The following ADAMTS9 variants were observed in gnomAD, a reference collection of about 807,000 sequenced individuals.
ADAMTS9 encodes the protein ADAM metallopeptidase with thrombospondin type 1 motif 9.
A neutral mutation model predicts 257.1 loss-of-function variants in ADAMTS9; 107 were observed. The observed-to-expected ratio is 0.42, with a 90% CI of 0.36 to 0.49. The LOEUF is 0.49. Ranked by LOEUF, ADAMTS9 falls within the 20% of genes least tolerant of loss-of-function variation. The pLI is 0.03. For synonymous variants in ADAMTS9, 982 were observed against 880.9 expected, an observed-to-expected ratio of 1.11 and a Z score of -2.03; for missense variants, 2,353 against 2,469.1, an observed-to-expected ratio of 0.95 and a Z score of 1.00.
chr3:64,612,422 A>T (rs2084682373), intron 22 of ADAMTS9, among the ~76,000 whole-genome samples: 1 of 152,224 alleles, frequency 6.6e-6, no homozygotes. Context: ...ATTAATTCAG[A>T]CATGATTGGC....
At chr3:64,685,021 C>G (rs551997665) in intron 2 of ADAMTS9, 1 of 152,332 alleles carries the variant, frequency 6.6e-6, no homozygotes, top group Non-Finnish European at 1.5e-5. Context: ...GATTCCAGAG[C>G]TCTTGCCCTA....
intron 22 of ADAMTS9, among the ~76,000 whole-genome samples, chr3:64,610,541 A>G (rs2084646003): frequency 6.6e-6 from 1 of 152,208 alleles, no homozygotes; most frequent in Non-Finnish European, 1.5e-5. Flanking sequence ...AGTTGAATAG[A>G]CACTTCTCCA....
At chr3:64,676,102 G>C (rs1701619107) in intron 3 of ADAMTS9, among the ~76,000 whole-genome samples, 1 of 152,168 alleles carries the variant, frequency 6.6e-6, no homozygotes, top group Non-Finnish European at 1.5e-5. Context: ...GGTTGAATGA[G>C]AGATTCAACT....
intron 20 of ADAMTS9, 24 bp downstream of exon 20, chr3:64,615,936 C>G: frequency 1.9e-6 from 3 of 1,612,066 alleles, no homozygotes; most frequent in Non-Finnish European, 2.5e-6. Context: ...TCCAAGAAGA[C>G]TCTTTGAGTG....
Position 64,687,696 on chromosome 3 carries a change from T to G in ADAMTS9, c.-39A>C. ...CCTCCCTCCGCTGCCCCCACCCCCC[T>G]CCCTCCTGCCCTCCTTGGCTGCGGC... On this transcript the variant is annotated 5_prime_UTR_variant, in exon 1 of 40. Coordinates refer to ENST00000498707, the MANE Select transcript of ADAMTS9 (RefSeq NM_182920.2). The surrounding 1 kb of genome is among the most constrained non-coding windows in gnomAD (Gnocchi z 4.4). The G allele has an allele frequency of 3.2e-6, 4 of 1,248,080 alleles. No homozygotes were observed. Among genetic ancestry groups the G allele is most frequent in the African/African-American group, 1.7e-5 (1 of 58,628 alleles). The allele number at this position is 1,248,080 out of a possible 1,614,324, so 77.3% of individuals were successfully genotyped here.
At chr3:64,549,974 AC>A in intron 31 of ADAMTS9, among the ~76,000 whole-genome samples, 1 of 147,938 alleles carries the variant, frequency 6.8e-6, no homozygotes, top group Non-Finnish European at 1.5e-5. Context: ...CTTTGAAGAG[AC>A]CCAGTGGCAG....
intron 26 of ADAMTS9, among the ~76,000 whole-genome samples, chr3:64,601,390 G>T (rs570672144): frequency 1.3e-5 from 2 of 152,118 alleles, no homozygotes; most frequent in Non-Finnish European, 2.9e-5. Context: ...TCAAACCTAC[G>T]CATCTTCCCT....
chr3:64,520,762 G>T (rs1162262932), intron 39 of ADAMTS9, among the ~76,000 whole-genome samples: 1 of 152,088 alleles, frequency 6.6e-6, no homozygotes, highest in African/African-American at 2.4e-5. Flanking sequence ...GAATGAAATT[G>T]AACTCTTACC....
rs567302523 is a variant in ADAMTS9, at chr3:64,654,512, T to G, written c.1211-54A>C. Reference sequence around the variant, plus strand: ...TTTACTCTAAAAAGCAACTGTGGCTTGAAATACAAACATGTAGTAAAACGG... The same window carrying G: ...TTTACTCTAAAAAGCAACTGTGGCTGGAAATACAAACATGTAGTAAAACGG... On this transcript the variant is annotated intron_variant, in intron 7 of 39. Coordinates refer to ENST00000498707, the MANE Select transcript of ADAMTS9 (RefSeq NM_182920.2). The G allele has an allele frequency of 3.3e-5, 52 of 1,570,946 alleles. 1 individual carries two copies. In the African/African-American group the frequency reaches 5.8e-4, roughly 17 times the overall value.
intron 31 of ADAMTS9, chr3:64,550,640 G>A (rs1050337329): frequency 1.2e-4 from 57 of 472,546 alleles, no homozygotes; most frequent in Non-Finnish European, 1.8e-4. Flanking sequence ...ATGCCAATAG[G>A]ACATCAAGGT....
intron 28 of ADAMTS9, among the ~76,000 whole-genome samples, chr3:64,580,995 T>C (rs997324493): frequency 6.6e-6 from 1 of 152,200 alleles, no homozygotes; most frequent in African/African-American, 2.4e-5. Flanking sequence ...TGTATAATTA[T>C]TGGGAACCTT....
chr3:64,622,158 A>G (rs1700123654), intron 18 of ADAMTS9, 40 bp downstream of exon 18: 1 of 1,559,188 alleles, frequency 6.4e-7, no homozygotes, highest in Non-Finnish European at 8.7e-7. Flanking sequence ...AAATAAAATA[A>G]ACTTCTCAAA....
intron 11 of ADAMTS9, among the ~76,000 whole-genome samples, chr3:64,643,353 A>C (rs1209024729): frequency 6.6e-6 from 1 of 152,104 alleles, no homozygotes; most frequent in Non-Finnish European, 1.5e-5. Flanking sequence ...ATAAAAAACT[A>C]ATAAAAAACT....
At chr3:64,541,011 C>A in intron 36 of ADAMTS9, 84 bp downstream of exon 36, 1 of 1,563,206 alleles carries the variant, frequency 6.4e-7, no homozygotes, top group South Asian at 1.2e-5. Flanking sequence ...ACGCACCTCC[C>A]TGCTAGCCAA....
At position 64,594,251 on chromosome 3, in the gene ADAMTS9, G is replaced by A. The variant is rs373641677; in HGVS notation, c.4356+7C>T. On this transcript the variant is annotated splice_region_variant and intron_variant, in intron 28 of 39. Coordinates refer to ENST00000498707, the MANE Select transcript of ADAMTS9 (RefSeq NM_182920.2). ...TGGTTAACAAACATGAATAGTTAGG[G>A]CCGTACCGAGCTCCAAGGGCCAGTA... The A allele has an allele frequency of 6.2e-7, 1 of 1,611,660 alleles. No homozygotes were observed. The highest frequency in any genetic ancestry group is 1.3e-5 in the African/African-American group (1 of 74,854).
chr3:64,581,223 C>T (rs1396312419), intron 28 of ADAMTS9, among the ~76,000 whole-genome samples: 3 of 152,072 alleles, frequency 2.0e-5, no homozygotes, highest in African/African-American at 7.2e-5. Flanking sequence ...ATATGTGCCA[C>T]ATCAGGAAAT....
At chr3:64,627,919 G>T (rs953785531) in intron 16 of ADAMTS9, among the ~76,000 whole-genome samples, 8 of 152,156 alleles carry the variant, frequency 5.3e-5, no homozygotes, top group African/African-American at 1.9e-4. Context: ...CAGTGCATGT[G>T]CTGCATCTTC....
chr3:64,550,810 C>T lies in ADAMTS9; in HGVS notation c.4869+82G>A, dbSNP rs574504307. On this transcript the variant is annotated intron_variant, in intron 31 of 39. Transcript: ENST00000498707. Reference sequence around the variant, plus strand: ...GGGTAGCCTCAAGTCTCCCACATTCCTGCACTCATCCCTCCACTCATCCCT... The same window carrying T: ...GGGTAGCCTCAAGTCTCCCACATTCTTGCACTCATCCCTCCACTCATCCCT... 6.2e-5 allele frequency: 97 copies of T among 1,559,864 alleles called. No individual in the cohort carries two copies. The African/African-American group carries it at 1.1e-3, about 18-fold the overall frequency.
rs1378873488 is a variant in ADAMTS9, at chr3:64,658,504, T to C, written c.967A>G (p.Ile323Val). ...CACCTTCGTTTGAATGTACTTACAA[T>C]TGACATTAAAGTTAAAATATAGTGT... is the stretch of plus-strand genomic sequence containing the variant. ...LQHYILTLMS[I>V]VASIYKDPSI... is the part of the protein sequence containing the mutation. The change falls in exon 4 of 40, where the codon ATT becomes GTT. Residue 323 changes from isoleucine (I) to valine (V), a missense_variant and splice_region_variant. This residue lies in a region of ADAMTS9 where 591 missense variants were observed against 569.6 expected (regional missense o/e 1.04). Transcript: ENST00000498707. 4.3e-6 allele frequency: 7 copies of C among 1,609,578 alleles called. No homozygotes were observed. The highest frequency in any genetic ancestry group is 1.3e-5 in the African/African-American group (1 of 74,432).
Sources: gnomAD v4.1 joint callset for allele counts (sites outside exome capture counted in the v4.1 genomes callset) on GRCh38, gnomAD v4.1.1 for gene constraint, gnomAD v4.1.1 regional missense constraint, Gnocchi (gnomAD v3.1) non-coding constraint, MANE v1.5 for transcripts, NCBI Gene and HGNC (gene_info 2026-07-23, HGNC 2026-07-21) for gene names.